The following EPHA4 variants were observed in gnomAD, a reference collection of about 807,000 sequenced individuals.
EPHA4 encodes EPH receptor A4.
A neutral mutation model predicts 108.3 loss-of-function variants in EPHA4; 19 were observed. The observed-to-expected ratio is 0.18, with a 90% confidence interval of 0.12 to 0.26. EPHA4 has a LOEUF of 0.26. EPHA4 is among the 10% of genes least tolerant of loss of function. The pLI is 1.00. For synonymous variants in EPHA4, 449 were observed against 455.5 expected, an observed-to-expected ratio of 0.99 and a Z score of 0.18; for missense variants, 917 against 1,254.0, an observed-to-expected ratio of 0.73 and a Z score of 4.06.
At chr2:221,560,113 G>A (rs542751754) in intron 3 of EPHA4, among the ~76,000 whole-genome samples, 40 of 68,970 alleles carry the variant, frequency 5.8e-4, no homozygotes, top group African/African-American at 2.2e-3. Flanking sequence ...GCCCCCGCCC[G>A]CCCTGCCCAT....
chr2:221,545,468 T>TA (rs1034890283), intron 3 of EPHA4, among the ~76,000 whole-genome samples: 397 of 151,354 alleles, frequency 2.6e-3, no homozygotes, highest in African/African-American at 9.0e-3. Context: ...GACTCCATCT[T>TA]AAAAAAAACA....
In EPHA4 at chr2:221,481,752, T is replaced by C. The variant is rs573173707; in HGVS notation, c.1318+600A>G. ...AAAGATGTACATGGAGGTTCTAGTA[T>C]AGGTCCACCTAGATCATTTATAATA... On this transcript the variant is annotated intron_variant, in intron 5 of 17. Coordinates refer to ENST00000281821, the MANE Select transcript of EPHA4 (RefSeq NM_004438.5). Among the ~76,000 whole-genome samples, 14 of 152,360 alleles carry C rather than the reference T, an allele frequency of 9.2e-5. No homozygotes were observed. In the East Asian group the frequency reaches 2.3e-3, roughly 25 times the overall value.
intron 3 of EPHA4, among the ~76,000 whole-genome samples, chr2:221,543,781 T>C (rs1181583961): frequency 6.6e-6 from 1 of 152,202 alleles, no homozygotes; most frequent in Admixed American, 6.5e-5. Context: ...AAGGATAAAG[T>C]GACTTCTACA....
At chr2:221,553,949 T>C (rs560140998) in intron 3 of EPHA4, among the ~76,000 whole-genome samples, 1 of 152,184 alleles carries the variant, frequency 6.6e-6, no homozygotes, top group Non-Finnish European at 1.5e-5. Context: ...GCAGAAAATA[T>C]CTGTAAACGG....
At chr2:221,564,934 C>G (rs1229471182) in intron 2 of EPHA4, among the ~76,000 whole-genome samples, 1 of 149,928 alleles carries the variant, frequency 6.7e-6, no homozygotes, top group East Asian at 1.9e-4. Context: ...TTTTGGCACC[C>G]TCACTACTCT....
intron 8 of EPHA4, 138 bp downstream of exon 8, chr2:221,455,409 G>A: frequency 4.5e-6 from 3 of 673,896 alleles, no homozygotes; most frequent in Non-Finnish European, 5.2e-6. Context: ...GAAGATCAAA[G>A]CAACAAGGAG....
chr2:221,497,731 A>G (rs1044054907), intron 4 of EPHA4, among the ~76,000 whole-genome samples: 38 of 151,986 alleles, frequency 2.5e-4, no homozygotes, highest in African/African-American at 8.9e-4. Flanking sequence ...GTGAGACTCC[A>G]TCTCAAAAAA....
chr2:221,494,383 C>A (rs933399164), intron 4 of EPHA4, among the ~76,000 whole-genome samples: 1 of 152,176 alleles, frequency 6.6e-6, no homozygotes, highest in African/African-American at 2.4e-5. Context: ...GCGGGCGGAT[C>A]GCTTGAGGTC....
chr2:221,449,793 G>C (rs1690714613), intron 8 of EPHA4, among the ~76,000 whole-genome samples: 1 of 152,202 alleles, frequency 6.6e-6, no homozygotes, highest in Non-Finnish European at 1.5e-5. Context: ...AGATTTGATT[G>C]ATGTGGTTCA....
intron 8 of EPHA4, among the ~76,000 whole-genome samples, chr2:221,446,537 G>A (rs1316234555): frequency 6.6e-6 from 1 of 151,856 alleles, no homozygotes. Flanking sequence ...ATATACATGT[G>A]TATATATATG....
At chr2:221,526,288 A>G (rs1693322090) in intron 3 of EPHA4, among the ~76,000 whole-genome samples, 1 of 152,100 alleles carries the variant, frequency 6.6e-6, no homozygotes, top group South Asian at 2.1e-4. Context: ...ATAAGGAAAC[A>G]CATTATCCCC....
chr2:221,532,270 G>A (rs1042947983), intron 3 of EPHA4, among the ~76,000 whole-genome samples: 4 of 152,010 alleles, frequency 2.6e-5, no homozygotes, highest in Non-Finnish European at 4.4e-5. Context: ...TTATAGGCAC[G>A]TGCTGCCATG....
intron 4 of EPHA4, among the ~76,000 whole-genome samples, chr2:221,489,596 G>T (rs1692081197): frequency 6.6e-6 from 1 of 151,928 alleles, no homozygotes; most frequent in Non-Finnish European, 1.5e-5. Context: ...GCACCCAATT[G>T]CATCACATTT....
chr2:221,450,319 A>C (rs1690740541), intron 8 of EPHA4, among the ~76,000 whole-genome samples: 1 of 152,204 alleles, frequency 6.6e-6, no homozygotes, highest in Admixed American at 6.5e-5. Flanking sequence ...GTGAACTCTT[A>C]GCTCCAAAGT....
At chr2:221,572,364 GA>G (rs1401380760), upstream of EPHA4, 23 of 877,096 alleles carry the variant, frequency 2.6e-5, no homozygotes, top group Admixed American at 2.0e-4. Flanking sequence ...CCGGTGACGT[GA>G]GCCCGCCAGT....
chr2:221,533,274 G>A (rs1014453601), intron 3 of EPHA4, among the ~76,000 whole-genome samples: 3 of 152,226 alleles, frequency 2.0e-5, no homozygotes, highest in Middle Eastern at 3.4e-3. Flanking sequence ...TGATCAAAAT[G>A]TGTTACAGCC....
At chr2:221,519,426 C>T (rs555410012) in intron 3 of EPHA4, among the ~76,000 whole-genome samples, 5 of 152,226 alleles carry the variant, frequency 3.3e-5, no homozygotes, top group African/African-American at 1.2e-4. Context: ...GAGTGGAAAA[C>T]AGATGGTGAT....
At chr2:221,542,290 G>A (rs1293318365) in intron 3 of EPHA4, among the ~76,000 whole-genome samples, 1 of 152,220 alleles carries the variant, frequency 6.6e-6, no homozygotes. Flanking sequence ...AGTCCATGGT[G>A]TATAAGTTAC....
At chr2:221,470,537 G>A (rs1277873157) in intron 5 of EPHA4, among the ~76,000 whole-genome samples, 1 of 151,634 alleles carries the variant, frequency 6.6e-6, no homozygotes, top group Non-Finnish European at 1.5e-5. Flanking sequence ...TATCACTTTA[G>A]GGAACCTCTG....
Sources: allele counts gnomAD v4.1 joint callset (sites outside exome capture counted in the v4.1 genomes callset), GRCh38; gene constraint gnomAD v4.1.1; transcripts MANE v1.5; gene names NCBI Gene and HGNC (gene_info 2026-07-23, HGNC 2026-07-21).